The following RAB6A variants were observed in gnomAD, a reference collection of about 807,000 sequenced individuals.
RAB6A encodes the protein ras-related protein Rab-6A.
In RAB6A, 8 loss-of-function variants were observed where a neutral mutation model predicts 32.3. The observed-to-expected ratio is 0.25, with a 90% CI of 0.15 to 0.45. The LOEUF (loss-of-function observed/expected upper bound fraction) is 0.45, where lower values mean the gene tolerates loss of function less well. Among genes scored for constraint, RAB6A ranks in the 20% least tolerant of loss-of-function variants. The pLI, the probability that RAB6A is intolerant of heterozygous loss-of-function variation, is 1.00. For synonymous variants in RAB6A, 73 were observed against 82.1 expected (o/e 0.89, Z 0.60); for missense variants, 104 against 249.4 (o/e 0.42, Z 3.93).
At chr11:73,688,967 TAA>T (rs1945502302) in intron 6 of RAB6A, among the ~76,000 whole-genome samples, 1 of 152,054 alleles carries the variant, frequency 6.6e-6, no homozygotes, top group Admixed American at 6.6e-5. Flanking sequence ...CTTGTCTCTA[TAA>T]AAAATTAGCC....
intron 1 of RAB6A, among the ~76,000 whole-genome samples, chr11:73,748,464 G>T (rs1946625443): frequency 6.6e-6 from 1 of 152,162 alleles, no homozygotes; most frequent in Non-Finnish European, 1.5e-5. Flanking sequence ...GTGAGCTATG[G>T]CTGCACCACT....
Position 73,718,548 on chromosome 11 carries a change from G to C in RAB6A, c.289+65C>G, listed in dbSNP as rs1946086578. 5 of 1,325,708 alleles carry C rather than the reference G, an allele frequency of 3.8e-6. No individual in the cohort carries two copies. The Admixed American group carries it at 1.1e-4, about 29-fold the overall frequency. 82.1% of individuals were successfully genotyped at this position (1,325,708 alleles called of 1,614,324 possible). ...AGTAAGGAAAACAAGCACAAGACAA[G>C]AACATGCATGCAGCTAAGCTAAAGG... On this transcript the variant is annotated intron_variant, in intron 4 of 7. Transcript: ENST00000336083.
chr11:73,720,239 G>GGCGCAATC, intron 3 of RAB6A, among the ~76,000 whole-genome samples: 1 of 140,388 alleles, frequency 7.1e-6, no homozygotes, highest in African/African-American at 2.6e-5. Context: ...AGAGTGCAAT[G>GGCGCAATC]GCGCAATCTC....
At chr11:73,733,421 C>T (rs1039811767) in intron 1 of RAB6A, among the ~76,000 whole-genome samples, 18 of 151,810 alleles carry the variant, frequency 1.2e-4, no homozygotes, top group African/African-American at 3.4e-4. Context: ...TGGTGATGCG[C>T]GCCTGTAATC....
intron 5 of RAB6A, among the ~76,000 whole-genome samples, chr11:73,709,007 TTCTC>T (rs1268187245): frequency 2.4e-4 from 37 of 152,338 alleles, no homozygotes; most frequent in African/African-American, 6.7e-4. Flanking sequence ...TATCTTCTCA[TTCTC>T]TCTGTGTATA....
In RAB6A at chr11:73,746,212, C is replaced by G. The variant is rs564188610; in HGVS notation, c.70+14354G>C. The stretch of plus-strand genomic sequence containing the variant: ...AAGCTAAAGAGAAAAGAAAAAAAGT[C>G]AAATTTTCTAATTTATAGTAAGAAA... On this transcript the variant is annotated intron_variant, in intron 1 of 7. Coordinates refer to ENST00000336083, the MANE Select transcript of RAB6A (RefSeq NM_198896.2). Among the ~76,000 whole-genome samples the G allele has an allele frequency of 2.6e-5, 4 of 151,636 alleles. No homozygotes were observed. The South Asian group carries it at 8.3e-4, about 32-fold the overall frequency.
intron 6 of RAB6A, among the ~76,000 whole-genome samples, chr11:73,696,025 G>C (rs1474170445): frequency 6.6e-6 from 1 of 152,134 alleles, no homozygotes; most frequent in Non-Finnish European, 1.5e-5. Context: ...ACCTTATGAA[G>C]TTAACTAAGT....
rs149380258 is a variant in RAB6A, at chr11:73,747,884, A to G, written c.70+12682T>C. 1.1e-4 allele frequency among the ~76,000 whole-genome samples: 16 copies of G among 152,344 alleles called. No homozygotes were observed. The East Asian group carries it at 2.7e-3, about 26-fold the overall frequency. On this transcript the variant is annotated intron_variant, in intron 1 of 7. Transcript: ENST00000336083. ...ACTGATGTGCCTTTCTCAGTGCATT[A>G]TAACAGAGGATACATAATGGCCCAT... is the stretch of plus-strand genomic sequence containing the variant.
At chr11:73,723,259 G>A (rs1476072057) in intron 2 of RAB6A, among the ~76,000 whole-genome samples, 1 of 151,380 alleles carries the variant, frequency 6.6e-6, no homozygotes, top group Non-Finnish European at 1.5e-5. Context: ...AATATTTATT[G>A]AACTCTATTC....
intron 3 of RAB6A, 29 bp from the exon 4 acceptor site, chr11:73,718,747 G>A (rs1205104311): frequency 1.9e-6 from 3 of 1,613,768 alleles, no homozygotes; most frequent in Middle Eastern, 1.6e-4. Flanking sequence ...AAACAAGCAA[G>A]AAAAATAAGA....
At chr11:73,740,675 G>C (rs1274804146) in intron 1 of RAB6A, among the ~76,000 whole-genome samples, 1 of 152,056 alleles carries the variant, frequency 6.6e-6, no homozygotes, top group Admixed American at 6.6e-5. Flanking sequence ...GATCACCTGA[G>C]GTCAGGAGTT....
chr11:73,711,877 G>T (rs996108466), intron 5 of RAB6A, among the ~76,000 whole-genome samples: 4 of 152,180 alleles, frequency 2.6e-5, no homozygotes, highest in African/African-American at 9.7e-5. Flanking sequence ...GTAAGAGCAA[G>T]ACAGAGCTTC....
At chr11:73,698,038 GGCA>G (rs1945682120) in intron 6 of RAB6A, among the ~76,000 whole-genome samples, 1 of 152,074 alleles carries the variant, frequency 6.6e-6, no homozygotes. Context: ...TGGCCAACAT[GGCA>G]AAACTCCATC....
chr11:73,747,080 C>T (rs1946599985), intron 1 of RAB6A, among the ~76,000 whole-genome samples: 1 of 151,682 alleles, frequency 6.6e-6, no homozygotes, highest in South Asian at 2.1e-4. Flanking sequence ...ACATGAGCCA[C>T]CCCAACCAGC....
chr11:73,759,452 C>G (rs1207850849), intron 1 of RAB6A, among the ~76,000 whole-genome samples: 2 of 152,068 alleles, frequency 1.3e-5, no homozygotes, highest in East Asian at 3.8e-4. Flanking sequence ...AACAATTTCA[C>G]TCATCAGACA....
chr11:73,710,989 T>C (rs1327670725), intron 5 of RAB6A, among the ~76,000 whole-genome samples: 3 of 152,206 alleles, frequency 2.0e-5, no homozygotes. Context: ...CAGTCCCTCA[T>C]TTTGGCCACT....
intron 1 of RAB6A, among the ~76,000 whole-genome samples, chr11:73,732,292 A>G (rs530360123): frequency 1.4e-4 from 22 of 152,248 alleles, no homozygotes; most frequent in African/African-American, 5.3e-4. Flanking sequence ...GAGGATAAGA[A>G]CCATACCTAA....
intron 1 of RAB6A, among the ~76,000 whole-genome samples, chr11:73,753,719 A>C (rs1475208425): frequency 6.6e-6 from 1 of 151,636 alleles, no homozygotes; most frequent in East Asian, 2.0e-4. Flanking sequence ...TGAAAAAAAA[A>C]CAAAAAAACA....
chr11:73,744,285 C>G (rs1451304441), intron 1 of RAB6A, among the ~76,000 whole-genome samples: 1 of 150,154 alleles, frequency 6.7e-6, no homozygotes, highest in African/African-American at 2.5e-5. Flanking sequence ...TTGCAGTGAG[C>G]CGAGATCGCA....
Sources: allele counts gnomAD v4.1 joint callset (sites outside exome capture counted in the v4.1 genomes callset), GRCh38; gene constraint gnomAD v4.1.1; transcripts MANE v1.5; gene names NCBI Gene and HGNC (gene_info 2026-07-23, HGNC 2026-07-21).